CDH26: variants seen among roughly 807,000 people sequenced by gnomAD.
CDH26 encodes cadherin-like protein 26.
Under a neutral mutation model 90.3 loss-of-function variants are expected in CDH26, and 83 were observed. That is an observed-to-expected ratio of 0.92 (90% CI 0.77 to 1.10). The LOEUF (loss-of-function observed/expected upper bound fraction) is 1.10. Ranked by LOEUF, CDH26 falls within the 50% of genes least tolerant of loss-of-function variation. The pLI is 0.00. For synonymous variants in CDH26, 397 were observed against 396.3 expected (o/e 1.00, Z -0.02); for missense variants, 1,013 against 1,037.6 (o/e 0.98, Z 0.33).
intron 3 of CDH26, among the ~76,000 whole-genome samples, chr20:59,970,809 AAAATAAATAAAT>A (rs34187396): frequency 0.024 from 3,417 of 144,062 alleles, 129 homozygotes; most frequent in African/African-American, 0.078. Flanking sequence ...CTCTGTCTCA[AAAATAAATAAAT>A]AAATAAATAA....
chr20:59,999,189 C>T (rs1415321027), intron 13 of CDH26, among the ~76,000 whole-genome samples: 1 of 152,142 alleles, frequency 6.6e-6, no homozygotes, highest in African/African-American at 2.4e-5. Context: ...CCTCAGTGAA[C>T]ATATATGTTG....
intron 3 of CDH26, 121 bp downstream of exon 3, chr20:59,970,307 C>A: frequency 7.5e-7 from 1 of 1,341,190 alleles, no homozygotes; most frequent in African/African-American, 1.5e-5. Flanking sequence ...TGAAGTAGAG[C>A]AGAAGGAGCA....
chr20:59,982,804 C>G (rs563965563), intron 4 of CDH26, 119 bp from the exon 5 acceptor site: 137 of 1,194,484 alleles, frequency 1.1e-4, no homozygotes, highest in Non-Finnish European at 1.6e-4. Flanking sequence ...TCCTGCCCTC[C>G]GGAACTCTCA....
At chr20:59,960,394 A>AACACACAC (rs111336064) in intron 1 of CDH26, among the ~76,000 whole-genome samples, 20 of 148,560 alleles carry the variant, frequency 1.3e-4, no homozygotes, top group African/African-American at 4.7e-4. Context: ...CTTATGTTAA[A>AACACACAC]ACACACACAC....
downstream of CDH26, among the ~76,000 whole-genome samples, chr20:60,018,030 G>A (rs1395527617): frequency 6.6e-6 from 1 of 151,868 alleles, no homozygotes; most frequent in Non-Finnish European, 1.5e-5. Flanking sequence ...CCTAACATAT[G>A]GCCTCTCCTG....
Position 59,971,974 on chromosome 20 carries a change from A to T in CDH26, c.244A>T (p.Met82Leu). 6.2e-7 allele frequency: 1 copy of T among 1,612,578 alleles called. No individual in the cohort carries two copies. The highest frequency in any genetic ancestry group is 8.5e-7 in the Non-Finnish European group (1 of 1,179,186). The change falls in exon 4 of 18, where the codon ATG becomes TTG. Residue 82 changes from methionine to leucine, a missense_variant. Physicochemically the swap from Met to Leu is conservative, Grantham distance 15. Coordinates refer to ENST00000348616, the MANE Select transcript of CDH26 (RefSeq NM_177980.4). ...PKLIGELFNN[M>L]SYNMSLMYLI... ...TTCCTCCTTCCAGCTGTTCAATAAT[A>T]TGTCTTATAACATGTCACTAATGTA...
intron 17 of CDH26, among the ~76,000 whole-genome samples, 186 bp from the exon 18 acceptor site, chr20:60,012,341 G>A (rs2061855755): frequency 6.6e-6 from 1 of 152,136 alleles, no homozygotes; most frequent in Admixed American, 6.5e-5. Context: ...CAGACTGTAA[G>A]GTGGGATGTC....
chr20:59,984,779 C>A lies in CDH26; in HGVS notation c.682C>A (p.Arg228=). 1 of 1,612,118 alleles carries A rather than the reference C, an allele frequency of 6.2e-7. No homozygotes were observed. The highest frequency in any genetic ancestry group is 1.1e-5 in the South Asian group (1 of 90,410). ...FRVDRLSGEI[R]LSGCLDYETA... Reference sequence around the variant, plus strand: ...GGTTGATCGCCTTAGTGGAGAAATACGACTCTCTGGCTGCTTAGATTATGA... The same window carrying A: ...GGTTGATCGCCTTAGTGGAGAAATAAGACTCTCTGGCTGCTTAGATTATGA... The change falls in exon 6 of 18, where the codon CGA becomes AGA. Residue 228 remains arginine, a synonymous_variant. Transcript: ENST00000348616.
intron 4 of CDH26, among the ~76,000 whole-genome samples, chr20:59,981,524 C>G (rs908351481): frequency 2.6e-5 from 4 of 152,112 alleles, no homozygotes; most frequent in African/African-American, 9.6e-5. Flanking sequence ...AGAAATATAG[C>G]TGATTTTTAT....
At chr20:59,988,714 G>C (rs1260518399) in intron 8 of CDH26, among the ~76,000 whole-genome samples, 190 bp from the exon 9 acceptor site, 1 of 152,144 alleles carries the variant, frequency 6.6e-6, no homozygotes, top group African/African-American at 2.4e-5. Context: ...AAAAATAAAA[G>C]AGAAAAGAAC....
intron 1 of CDH26, among the ~76,000 whole-genome samples, chr20:59,965,024 G>C (rs1002842308): frequency 1.3e-5 from 2 of 152,142 alleles, no homozygotes; most frequent in Non-Finnish European, 2.9e-5. Context: ...ATACACCTGG[G>C]TAGGCCCTTA....
At chr20:60,006,821 T>A (rs374484883) in intron 17 of CDH26, 34 bp downstream of exon 17, 9 of 1,535,546 alleles carry the variant, frequency 5.9e-6, no homozygotes, top group African/African-American at 1.4e-5. Context: ...GTGCACTAGC[T>A]ATGGGTTTTG....
rs757072369 is a variant in CDH26, at chr20:59,992,766, C to G, written c.1426+246C>G. On this transcript the variant is annotated intron_variant, in intron 10 of 17. Transcript: ENST00000348616. The surrounding 1 kb of genome is among the most constrained non-coding windows in gnomAD (Gnocchi z 5.0). ...ATTAAACCAGCAAGGAGGCTGCAAT[C>G]AAACCCAGCATCTTTTTCATCTGTT... Among the ~76,000 whole-genome samples the G allele has an allele frequency of 2.6e-5, 4 of 152,134 alleles. No homozygotes were observed. Among genetic ancestry groups the G allele is most frequent in the South Asian group, 2.1e-4 (1 of 4,822 alleles).
At chr20:60,015,254 G>A (rs2061895506), downstream of CDH26, among the ~76,000 whole-genome samples, 1 of 152,164 alleles carries the variant, frequency 6.6e-6, no homozygotes, top group African/African-American at 2.4e-5. Flanking sequence ...CCAAAGTGCT[G>A]GGATTAAAGG....
At chr20:59,977,816 C>T (rs76178213) in intron 4 of CDH26, among the ~76,000 whole-genome samples, 3,838 of 152,242 alleles carry the variant, frequency 0.025, 88 homozygotes, top group African/African-American at 0.054. Flanking sequence ...TTAGGCTTCA[C>T]TCTTGGCATC....
intron 1 of CDH26, among the ~76,000 whole-genome samples, chr20:59,960,256 C>T (rs1379428821): frequency 1.3e-5 from 2 of 152,118 alleles, no homozygotes; most frequent in African/African-American, 4.8e-5. Context: ...CCTTGTTAAG[C>T]CTATTTTTCT....
intron 17 of CDH26, 98 bp downstream of exon 17, chr20:60,006,885 C>A: frequency 1.2e-6 from 1 of 850,880 alleles, no homozygotes; most frequent in Non-Finnish European, 2.0e-6. Context: ...TAAATCACTG[C>A]ATTAGTCAGC....
chr20:59,968,486 T>A (rs1002832678), intron 1 of CDH26, among the ~76,000 whole-genome samples: 1 of 152,198 alleles, frequency 6.6e-6, no homozygotes, highest in Non-Finnish European at 1.5e-5. Context: ...AAATAAGTAT[T>A]ATCACTCTAA....
chr20:60,021,217 G>A (rs867806395), intron 7 of CDH26, among the ~76,000 whole-genome samples: 1 of 152,166 alleles, frequency 6.6e-6, no homozygotes, highest in Non-Finnish European at 1.5e-5. Context: ...TGAATTGTTG[G>A]TAAGGGCAAT....
Sources: gnomAD v4.1 joint callset for allele counts (sites outside exome capture counted in the v4.1 genomes callset) on GRCh38, gnomAD v4.1.1 for gene constraint, Gnocchi (gnomAD v3.1) non-coding constraint, MANE v1.5 for transcripts, NCBI Gene and HGNC (gene_info 2026-07-23, HGNC 2026-07-21) for gene names.